USP13: variants seen among roughly 807,000 people sequenced by gnomAD.
USP13 encodes ubiquitin carboxyl-terminal hydrolase 13.
A neutral mutation model predicts 107.8 loss-of-function variants in USP13; 68 were observed. The observed-to-expected ratio is 0.63, with a 90% CI of 0.52 to 0.77. The LOEUF (loss-of-function observed/expected upper bound fraction) is 0.77, where lower values mean the gene tolerates loss of function less well. Among genes scored for constraint, USP13 ranks in the 30% least tolerant of loss-of-function variants. The pLI is 0.00. For synonymous variants in USP13, 377 were observed against 389.5 expected (o/e 0.97, Z 0.38); for missense variants, 945 against 1,093.3 (o/e 0.86, Z 1.91).
intron 6 of USP13, among the ~76,000 whole-genome samples, chr3:179,714,326 A>G (rs1713028710): frequency 6.6e-6 from 1 of 152,180 alleles, no homozygotes; most frequent in South Asian, 2.1e-4. Flanking sequence ...CGACCTGGGC[A>G]TAAGCTCCCT....
chr3:179,698,078 G>A (rs1280787328), intron 3 of USP13, among the ~76,000 whole-genome samples: 2 of 152,166 alleles, frequency 1.3e-5, no homozygotes, highest in South Asian at 2.1e-4. Flanking sequence ...CATTTACAGG[G>A]TGTGTAGTGT....
chr3:179,677,448 C>T (rs1029887846), intron 1 of USP13, among the ~76,000 whole-genome samples: 9 of 151,954 alleles, frequency 5.9e-5, no homozygotes, highest in African/African-American at 9.7e-5. Context: ...GGTGTCGTGG[C>T]GCATGCCTCT....
At chr3:179,689,275 G>A (rs1712015764) in intron 2 of USP13, among the ~76,000 whole-genome samples, 1 of 152,194 alleles carries the variant, frequency 6.6e-6, no homozygotes, top group African/African-American at 2.4e-5. Context: ...AATGTTTTGT[G>A]TGAGCATCAG....
At position 179,671,983 on chromosome 3, in the gene USP13, C is replaced by T. The variant is rs530959515; in HGVS notation, c.169-9895C>T. Among the ~76,000 whole-genome samples the T allele has an allele frequency of 7.9e-5, 12 of 152,342 alleles. No homozygotes were observed. The South Asian group carries it at 2.3e-3, about 29-fold the overall frequency. The stretch of plus-strand genomic sequence containing the variant: ...TATAAAAACAAGTGTTACGCAGCGA[C>T]TGTTTCCTGAGCGCGTTGCTCACAT... On this transcript the variant is annotated intron_variant, in intron 1 of 20. Transcript: ENST00000263966.
chr3:179,710,903 A>G (rs1025070268), intron 6 of USP13, among the ~76,000 whole-genome samples: 3 of 152,208 alleles, frequency 2.0e-5, no homozygotes, highest in African/African-American at 7.2e-5. Context: ...CATGGTATAA[A>G]AGATAGAAAA....
intron 16 of USP13, among the ~76,000 whole-genome samples, chr3:179,760,280 A>ATG (rs1553798570): frequency 7.0e-6 from 1 of 142,708 alleles, no homozygotes; most frequent in African/African-American, 2.8e-5. Flanking sequence ...CCGTCTCTTA[A>ATG]TGTTTTTTTT....
intron 20 of USP13, 22 bp from the exon 21 acceptor site, chr3:179,784,026 A>T: frequency 1.9e-6 from 3 of 1,593,862 alleles, no homozygotes; most frequent in Non-Finnish European, 2.6e-6. Flanking sequence ...AAATCCATCA[A>T]ATGCTTCTGT....
At chr3:179,744,359 T>C (rs943874200) in intron 12 of USP13, among the ~76,000 whole-genome samples, 28 of 147,986 alleles carry the variant, frequency 1.9e-4, no homozygotes, top group Non-Finnish European at 2.5e-4. Flanking sequence ...TTTTTTGTTT[T>C]GTTTTGTTTT....
intron 3 of USP13, among the ~76,000 whole-genome samples, chr3:179,691,556 C>T (rs1712119426): frequency 6.6e-6 from 1 of 152,162 alleles, no homozygotes; most frequent in Non-Finnish European, 1.5e-5. Flanking sequence ...ATGATGTTAA[C>T]ATGTTGTCAT....
intron 10 of USP13, among the ~76,000 whole-genome samples, chr3:179,733,810 T>C (rs1713892159): frequency 6.6e-6 from 1 of 152,212 alleles, no homozygotes; most frequent in Non-Finnish European, 1.5e-5. Flanking sequence ...AGGCTCTTCC[T>C]CTATATTCAC....
intron 19 of USP13, among the ~76,000 whole-genome samples, chr3:179,774,720 G>T (rs1715461659): frequency 6.6e-6 from 1 of 152,190 alleles, no homozygotes; most frequent in Non-Finnish European, 1.5e-5. Context: ...ACCCAAGCAG[G>T]TTGCCACTGC....
intron 16 of USP13, among the ~76,000 whole-genome samples, chr3:179,757,593 C>T (rs1367731897): frequency 6.6e-6 from 1 of 152,100 alleles, no homozygotes; most frequent in African/African-American, 2.4e-5. Flanking sequence ...GGAGTTGATA[C>T]TCTTGGTTTT....
intron 2 of USP13, among the ~76,000 whole-genome samples, chr3:179,682,881 A>G (rs1388065584): frequency 2.0e-5 from 3 of 152,096 alleles, no homozygotes; most frequent in Admixed American, 6.5e-5. Flanking sequence ...TTTTTATTAG[A>G]TAGTGCCAAG....
At chr3:179,782,625 C>A (rs1715785877) in intron 20 of USP13, among the ~76,000 whole-genome samples, 1 of 152,158 alleles carries the variant, frequency 6.6e-6, no homozygotes, top group African/African-American at 2.4e-5. Flanking sequence ...TGAGGGTGGC[C>A]TCTTGCTCCA....
chr3:179,779,127 T>G (rs1715653580), intron 19 of USP13, among the ~76,000 whole-genome samples: 1 of 149,322 alleles, frequency 6.7e-6, no homozygotes. Context: ...GGAGAGGAGG[T>G]AAGAGGATTT....
intron 17 of USP13, among the ~76,000 whole-genome samples, chr3:179,762,578 C>G (rs1715045021): frequency 6.6e-6 from 1 of 152,034 alleles, no homozygotes; most frequent in Non-Finnish European, 1.5e-5. Context: ...GAGACTCCAT[C>G]TAAAATAATA....
intron 6 of USP13, among the ~76,000 whole-genome samples, chr3:179,716,570 C>T (rs79779228): frequency 7.2e-5 from 11 of 152,282 alleles, no homozygotes; most frequent in African/African-American, 2.4e-4. Flanking sequence ...GGATGACCCG[C>T]GCCAGGCATG....
At chr3:179,767,395 G>A (rs1287967344) in intron 19 of USP13, among the ~76,000 whole-genome samples, 1 of 151,782 alleles carries the variant, frequency 6.6e-6, no homozygotes, top group Non-Finnish European at 1.5e-5. Flanking sequence ...GCCTGTGCCT[G>A]TAGCCACTGT....
intron 1 of USP13, among the ~76,000 whole-genome samples, chr3:179,658,895 C>T (rs1179783804): frequency 6.6e-6 from 1 of 152,188 alleles, no homozygotes; most frequent in Non-Finnish European, 1.5e-5. Context: ...AGCAAGAGGT[C>T]CTCAGTGCAG....
Sources: allele counts gnomAD v4.1 joint callset (sites outside exome capture counted in the v4.1 genomes callset), GRCh38; gene constraint gnomAD v4.1.1; transcripts MANE v1.5; gene names NCBI Gene and HGNC (gene_info 2026-07-23, HGNC 2026-07-21).